Variants in GRM8 observed in about 807,000 individuals in gnomAD.
GRM8 encodes metabotropic glutamate receptor 8.
GRM8 carries 47 observed loss-of-function variants against 87.2 expected under a neutral mutation model. That is an observed-to-expected ratio of 0.54 (90% confidence interval 0.43 to 0.69). The LOEUF (loss-of-function observed/expected upper bound fraction) is 0.69, where lower values mean the gene tolerates loss of function less well. Among genes scored for constraint, GRM8 ranks in the 30% least tolerant of loss-of-function variants. The pLI is 0.00. For missense variants in GRM8, 1,019 were observed against 1,139.2 expected (o/e 0.89, Z 1.52); for synonymous variants, 396 against 404.5 (o/e 0.98, Z 0.25).
chr7:127,193,466 A>T (rs1463812910), intron 2 of GRM8, among the ~76,000 whole-genome samples: 1 of 152,178 alleles, frequency 6.6e-6, no homozygotes. Context: ...TATTGGAATG[A>T]ATCCCCTAGC....
intron 2 of GRM8, among the ~76,000 whole-genome samples, chr7:127,225,919 A>G (rs1797292017): frequency 6.6e-6 from 1 of 151,982 alleles, no homozygotes; most frequent in African/African-American, 2.4e-5. Context: ...AAAAACTTTC[A>G]TTACACTTGT....
At chr7:126,539,462 A>G (rs767294753) in intron 8 of GRM8, among the ~76,000 whole-genome samples, 3 of 151,992 alleles carry the variant, frequency 2.0e-5, no homozygotes, top group Non-Finnish European at 4.4e-5. Context: ...TTATATGGAA[A>G]TATAAGGGAC....
intron 3 of GRM8, among the ~76,000 whole-genome samples, chr7:127,022,639 A>G (rs1816388900): frequency 1.3e-5 from 2 of 152,134 alleles, no homozygotes; most frequent in East Asian, 3.9e-4. Context: ...GAAGAAGCAT[A>G]TGAATCAGGA....
At chr7:126,804,263 C>G (rs930690558) in intron 6 of GRM8, among the ~76,000 whole-genome samples, 1 of 152,214 alleles carries the variant, frequency 6.6e-6, no homozygotes, top group African/African-American at 2.4e-5. Context: ...TTAAGGAAAG[C>G]TCTTACTTAG....
intron 7 of GRM8, among the ~76,000 whole-genome samples, chr7:126,731,473 T>G (rs867532409): frequency 6.6e-6 from 1 of 152,136 alleles, no homozygotes; most frequent in Admixed American, 6.6e-5. Context: ...TGAAGTAATA[T>G]TGGCCGAATA....
intron 9 of GRM8, among the ~76,000 whole-genome samples, chr7:126,466,936 T>C (rs947329906): frequency 6.6e-6 from 1 of 151,992 alleles, no homozygotes; most frequent in Non-Finnish European, 1.5e-5. Context: ...CCTCAGGACA[T>C]ACTGCATTGG....
At chr7:127,249,488 T>C (rs1423866034) in intron 1 of GRM8, among the ~76,000 whole-genome samples, 1 of 152,176 alleles carries the variant, frequency 6.6e-6, no homozygotes, top group Admixed American at 6.5e-5. Flanking sequence ...AGCAGAGAGC[T>C]AGGAGTCAGG....
chr7:127,170,521 TA>T (rs1438355814), intron 2 of GRM8, among the ~76,000 whole-genome samples: 2 of 152,106 alleles, frequency 1.3e-5, no homozygotes, highest in African/African-American at 4.8e-5. Context: ...AGTCATTACA[TA>T]AAAAAGATGC....
intron 9 of GRM8, among the ~76,000 whole-genome samples, chr7:126,494,373 C>T (rs927241992): frequency 3.3e-5 from 5 of 151,986 alleles, no homozygotes; most frequent in African/African-American, 7.2e-5. Context: ...GCAAACCACA[C>T]GCAGGTTGTC....
At chr7:126,677,559 G>A (rs911795257) in intron 7 of GRM8, among the ~76,000 whole-genome samples, 1 of 152,056 alleles carries the variant, frequency 6.6e-6, no homozygotes, top group African/African-American at 2.4e-5. Context: ...CAGCAACTTG[G>A]ATGGAACTAT....
intron 6 of GRM8, among the ~76,000 whole-genome samples, chr7:126,772,735 G>A (rs1818979559): frequency 6.6e-6 from 1 of 152,084 alleles, no homozygotes; most frequent in African/African-American, 2.4e-5. Context: ...TAGATGAAGA[G>A]TCAAAGAACA....
At chr7:126,762,631 T>C (rs1258991141) in intron 7 of GRM8, among the ~76,000 whole-genome samples, 1 of 152,070 alleles carries the variant, frequency 6.6e-6, no homozygotes, top group Non-Finnish European at 1.5e-5. Flanking sequence ...GGAATTTTAA[T>C]AGTATTTTAA....
chr7:126,446,347 G>T lies in GRM8; in HGVS notation c.2456C>A (p.Thr819Asn), dbSNP rs368592810. The change falls in exon 10 of 11, where the codon ACT (threonine) becomes AAT (asparagine). Residue 819 changes from threonine to asparagine, a missense_variant. Transcript: ENST00000339582. Reference sequence around the variant, plus strand: ...TGAAGCACTTAAACTCATGGAGACAGTAAGTGTTGTTGTCTGGATGTACAT... The same window carrying T: ...TGAAGCACTTAAACTCATGGAGACATTAAGTGTTGTTGTCTGGATGTACAT... ...EKMYIQTTTL[T>N]VSMSLSASVS... The T allele has an allele frequency of 6.2e-7, 1 of 1,607,238 alleles. No individual in the cohort carries two copies. The highest frequency in any genetic ancestry group is 1.1e-5 in the South Asian group (1 of 90,914).
At chr7:126,635,835 A>G (rs1801798603) in intron 7 of GRM8, among the ~76,000 whole-genome samples, 1 of 152,164 alleles carries the variant, frequency 6.6e-6, no homozygotes, top group Admixed American at 6.6e-5. Context: ...GATTCAGCTC[A>G]ACCATTAATT....
intron 9 of GRM8, among the ~76,000 whole-genome samples, chr7:126,459,380 T>C (rs192567786): frequency 1.3e-5 from 2 of 151,528 alleles, no homozygotes; most frequent in African/African-American, 4.8e-5. Context: ...GAGCCAGCCA[T>C]GGAGTGAGAA....
chr7:126,608,398 C>G (rs924901095), intron 8 of GRM8, among the ~76,000 whole-genome samples: 1 of 152,114 alleles, frequency 6.6e-6, no homozygotes, highest in East Asian at 1.9e-4. Flanking sequence ...AGACTCCAGC[C>G]GAAAGAAACA....
chr7:126,449,559 CT>C (rs1357363038), intron 9 of GRM8, among the ~76,000 whole-genome samples: 13 of 151,940 alleles, frequency 8.6e-5, no homozygotes, highest in Admixed American at 2.6e-4. Context: ...TAGAGAAGAG[CT>C]GATAGCCAGG....
chr7:126,459,683 T>G (rs1269221433), intron 9 of GRM8, among the ~76,000 whole-genome samples: 3 of 151,450 alleles, frequency 2.0e-5, no homozygotes, highest in Non-Finnish European at 4.4e-5. Flanking sequence ...ACGGTGGCAA[T>G]GCAGAGGCTC....
intron 8 of GRM8, among the ~76,000 whole-genome samples, chr7:126,607,621 CAGA>C (rs921987427): frequency 4.6e-5 from 7 of 152,120 alleles, no homozygotes; most frequent in Admixed American, 2.0e-4. Context: ...AACAACAGAA[CAGA>C]AGAAGAATAT....
Sources: allele counts gnomAD v4.1 joint callset (sites outside exome capture counted in the v4.1 genomes callset), GRCh38; gene constraint gnomAD v4.1.1; transcripts MANE v1.5; gene names NCBI Gene and HGNC (gene_info 2026-07-23, HGNC 2026-07-21).